The following C12orf75 variants were observed in gnomAD, a reference collection of about 807,000 sequenced individuals.
The protein encoded by C12orf75 is overexpressed in colon carcinoma 1 protein.
A neutral mutation model predicts 11.4 loss-of-function variants in C12orf75; 4 were observed. The ratio of observed to expected loss-of-function variants is 0.35; its 90% confidence interval spans 0.17 to 0.80. The LOEUF (loss-of-function observed/expected upper bound fraction) is 0.80, where lower values mean the gene tolerates loss of function less well. Among genes scored for constraint, C12orf75 ranks in the 30% least tolerant of loss-of-function variants. The pLI, the probability that C12orf75 is intolerant of heterozygous loss-of-function variation, is 0.52. For missense variants in C12orf75, 89 were observed against 80.4 expected, an observed-to-expected ratio of 1.11 and a Z score of -0.41; for synonymous variants, 30 against 30.0, an observed-to-expected ratio of 1.00 and a Z score of 0.00.
chr12:105,349,270 A>T (rs560056768), intron 2 of C12orf75, among the ~76,000 whole-genome samples: 1 of 152,302 alleles, frequency 6.6e-6, no homozygotes, highest in East Asian at 1.9e-4. Flanking sequence ...ATTTCTGGTT[A>T]CCCAGTGAAG....
At chr12:105,349,519 T>C (rs1458732374) in intron 2 of C12orf75, among the ~76,000 whole-genome samples, 2 of 152,198 alleles carry the variant, frequency 1.3e-5, no homozygotes, top group Non-Finnish European at 2.9e-5. Flanking sequence ...CACTTTCTTA[T>C]TGGCTTACAC....
At chr12:105,366,029 A>G in intron 3 of C12orf75, 187 bp downstream of exon 3, 1 of 620,074 alleles carries the variant, frequency 1.6e-6, no homozygotes, top group East Asian at 2.8e-5. Context: ...GCTCCTTCCA[A>G]GCAAACTTGG....
chr12:105,369,615 CA>C (rs1275334578), intron 5 of C12orf75, among the ~76,000 whole-genome samples: 1 of 152,104 alleles, frequency 6.6e-6, no homozygotes, highest in Non-Finnish European at 1.5e-5. Flanking sequence ...CCCTTTCCCC[CA>C]ACCCCTGAAC....
intron 1 of C12orf75, among the ~76,000 whole-genome samples, chr12:105,334,960 A>C (rs1331895031): frequency 1.3e-5 from 2 of 152,248 alleles, no homozygotes; most frequent in African/African-American, 4.8e-5. Context: ...AGTCTATTTT[A>C]ATGCAGGCTA....
Position 105,330,789 on chromosome 12 carries a change from C to G in C12orf75, c.-103C>G. ...ACTCGGTTCCTGGCCCCTCGCGGCC[C>G]CGTCAGCCTCCCGCTCGGGGTGCGC... On this transcript the variant is annotated 5_prime_UTR_variant, in exon 1 of 6. Transcript: ENST00000443585. The G allele has an allele frequency of 8.7e-7, 1 of 1,155,080 alleles. No individual in the cohort carries two copies. The highest frequency in any genetic ancestry group is 1.1e-6 in the Non-Finnish European group (1 of 926,512). The allele number at this position is 1,155,080 out of a possible 1,614,324, so 71.6% of individuals were successfully genotyped here.
intron 5 of C12orf75, among the ~76,000 whole-genome samples, chr12:105,368,163 T>C (rs146222499): frequency 3.3e-5 from 5 of 152,340 alleles, no homozygotes; most frequent in African/African-American, 1.2e-4. Context: ...TTTCATTTGT[T>C]AACTACCCTA....
In C12orf75 at chr12:105,370,777, G is replaced by C; in HGVS notation, c.*177G>C. The stretch of plus-strand genomic sequence containing the variant: ...ATACATAAAACCCTGGGTACATATT[G>C]TTGTGGTAATAGAAGGGAATTGGTT... On this transcript the variant is annotated 3_prime_UTR_variant, in exon 6 of 6. Transcript: ENST00000443585. 4.4e-6 allele frequency: 2 copies of C among 454,880 alleles called. No individual in the cohort carries two copies. Among genetic ancestry groups the C allele is most frequent in the Non-Finnish European group, 8.9e-6 (2 of 224,870 alleles). The allele number at this position is 454,880 out of a possible 1,614,324, so 28.2% of individuals were successfully genotyped here.
chr12:105,356,651 G>C (rs571279523), intron 2 of C12orf75, among the ~76,000 whole-genome samples: 2 of 152,168 alleles, frequency 1.3e-5, no homozygotes, highest in East Asian at 3.9e-4. Flanking sequence ...TCAAATGGCT[G>C]GCTGCTATCT....
At chr12:105,355,793 C>T (rs1187023393) in intron 2 of C12orf75, among the ~76,000 whole-genome samples, 1 of 152,184 alleles carries the variant, frequency 6.6e-6, no homozygotes, top group Non-Finnish European at 1.5e-5. Flanking sequence ...TGCCTTATAG[C>T]AAATGATATT....
chr12:105,355,180 CTTTTTTTTT>C lies in C12orf75; in HGVS notation c.71+6557_71+6565del, dbSNP rs1555265695. ...CGAATTTCTTTTTCTTTTTCTTTTTCTTTTTTTTTTTCAGAGTTTTGCTCTCTTGCCCAG... is the reference window on the plus strand; with the variant it reads ...CGAATTTCTTTTTCTTTTTCTTTTTCTTCAGAGTTTTGCTCTCTTGCCCAG... On this transcript the variant is annotated intron_variant, in intron 2 of 5. Coordinates refer to ENST00000443585, the MANE Select transcript of C12orf75 (RefSeq NM_001145199.2). 1.1e-4 allele frequency among the ~76,000 whole-genome samples: 8 copies of C among 70,444 alleles called. 1 individual carries two copies. The highest frequency in any genetic ancestry group is 2.6e-4 in the African/African-American group (7 of 27,200). The allele number at this position is 70,444 out of a possible 152,430, so 46.2% of individuals were successfully genotyped here. A position where few individuals can be genotyped will look rare whatever the true frequency, so the allele number is the denominator to read the frequency against.
chr12:105,364,464 TC>T lies in C12orf75; in HGVS notation c.72-1342del, dbSNP rs995188789. ...AGTATTAGCTGTTCATGGCCAGCGT[TC>T]ACCAGATAATTATTAAATCTACACT... On this transcript the variant is annotated intron_variant, in intron 2 of 5. Coordinates refer to ENST00000443585, the MANE Select transcript of C12orf75 (RefSeq NM_001145199.2). 5.1e-4 allele frequency among the ~76,000 whole-genome samples: 77 copies of T among 152,228 alleles called. 1 individual carries two copies. The highest frequency in any genetic ancestry group is 1.7e-3 in the African/African-American group (72 of 41,530).
chr12:105,363,491 C>G (rs987110638), intron 2 of C12orf75, among the ~76,000 whole-genome samples: 1 of 152,086 alleles, frequency 6.6e-6, no homozygotes, highest in African/African-American at 2.4e-5. Context: ...CTTTGGGAGG[C>G]CGAGGTGGGA....
At chr12:105,360,802 G>C (rs1566141704) in intron 2 of C12orf75, among the ~76,000 whole-genome samples, 1 of 151,952 alleles carries the variant, frequency 6.6e-6, no homozygotes, top group Non-Finnish European at 1.5e-5. Context: ...GTGAGACCGA[G>C]TCTGTCTCTG....
intron 5 of C12orf75, among the ~76,000 whole-genome samples, chr12:105,368,150 A>G (rs186487887): frequency 1.2e-3 from 181 of 152,340 alleles, no homozygotes; most frequent in Admixed American, 2.6e-3. Context: ...AGAGAAAAAT[A>G]GCTTTCATTT....
At chr12:105,346,995 C>CT (rs1049219024) in intron 1 of C12orf75, among the ~76,000 whole-genome samples, 1 of 152,150 alleles carries the variant, frequency 6.6e-6, no homozygotes, top group African/African-American at 2.4e-5. Context: ...TACACATTGT[C>CT]TTTTTAAATC....
chr12:105,344,965 C>CT (rs934844044), intron 1 of C12orf75, among the ~76,000 whole-genome samples: 2 of 38,132 alleles, frequency 5.2e-5, no homozygotes, highest in Non-Finnish European at 1.4e-4. Context: ...AAATTCTAAG[C>CT]CCCCCCCCAA....
At chr12:105,340,533 A>T (rs140650126) in intron 1 of C12orf75, among the ~76,000 whole-genome samples, 67 of 152,026 alleles carry the variant, frequency 4.4e-4, no homozygotes, top group African/African-American at 1.5e-3. Flanking sequence ...CATGATACAT[A>T]TATTACATTT....
intron 1 of C12orf75, among the ~76,000 whole-genome samples, chr12:105,339,457 A>AT (rs1188499565): frequency 6.7e-6 from 1 of 148,388 alleles, no homozygotes; most frequent in Non-Finnish European, 1.5e-5. Flanking sequence ...GTGTGTGTGA[A>AT]TTATCACCAC....
intron 2 of C12orf75, among the ~76,000 whole-genome samples, chr12:105,364,837 CTTTTTTTTTTTT>C (rs71440583): frequency 1.6e-5 from 2 of 125,698 alleles, no homozygotes; most frequent in South Asian, 2.6e-4. Flanking sequence ...ATATGGACTC[CTTTTTTTTTTTT>C]TTTTTTTTTT....
Sources: allele counts gnomAD v4.1 joint callset (sites outside exome capture counted in the v4.1 genomes callset), GRCh38; gene constraint gnomAD v4.1.1; transcripts MANE v1.5; gene names NCBI Gene and HGNC (gene_info 2026-07-23, HGNC 2026-07-21).